SAMD12: variants seen among roughly 807,000 people sequenced by gnomAD.
SAMD12 encodes sterile alpha motif domain containing 12, also known as sterile alpha motif domain-containing protein 12.
Under a neutral mutation model 15.0 loss-of-function variants are expected in SAMD12, and 9 were observed. The ratio of observed to expected loss-of-function variants is 0.60; its 90% CI spans 0.36 to 1.05. SAMD12 has a LOEUF of 1.05. Among genes scored for constraint, SAMD12 ranks in the 50% least tolerant of loss-of-function variants. The pLI is 0.01. For missense variants in SAMD12, 230 were observed against 234.2 expected, an observed-to-expected ratio of 0.98 and a Z score of 0.12; for synonymous variants, 86 against 90.1, an observed-to-expected ratio of 0.96 and a Z score of 0.25.
At chr8:118,202,257 G>A (rs1006413504) in intron 4 of SAMD12, among the ~76,000 whole-genome samples, 8 of 152,148 alleles carry the variant, frequency 5.3e-5, no homozygotes, top group Non-Finnish European at 1.5e-5. Flanking sequence ...AAGCTCTAAC[G>A]CTAAGTATCA....
At chr8:118,278,171 C>T (rs185817637) in intron 4 of SAMD12, among the ~76,000 whole-genome samples, 11 of 152,262 alleles carry the variant, frequency 7.2e-5, no homozygotes, top group Non-Finnish European at 1.5e-4. Context: ...CTCTTTAAAC[C>T]TGTGAGAGTA....
At chr8:118,552,378 C>T (rs372083079) in intron 2 of SAMD12, among the ~76,000 whole-genome samples, 78 of 152,110 alleles carry the variant, frequency 5.1e-4, no homozygotes, top group African/African-American at 1.9e-3. Context: ...TCAATATATG[C>T]AAATCAATAA....
intron 2 of SAMD12, among the ~76,000 whole-genome samples, chr8:118,554,454 A>T (rs894483300): frequency 1.1e-4 from 16 of 149,958 alleles, no homozygotes; most frequent in African/African-American, 3.9e-4. Flanking sequence ...AACACCGCAT[A>T]TTCTCATTCA....
Position 118,581,032 on chromosome 8 carries a change from T to C in SAMD12, c.14-139A>G, listed in dbSNP as rs1204653916. ...GAGGTGGTGTGATTACTACGATAAA[T>C]AATATGGTGAGGAGGGAGCACGGTA... On this transcript the variant is annotated intron_variant, in intron 1 of 3. Coordinates refer to ENST00000314727, the MANE Select transcript of SAMD12 (RefSeq NM_207506.3). The C allele has an allele frequency of 1.2e-5, 7 of 598,108 alleles. No homozygotes were observed. In the East Asian group the frequency reaches 1.4e-4, roughly 12 times the overall value. The allele number at this position is 598,108 out of a possible 1,614,324, so 37.1% of individuals were successfully genotyped here.
intron 4 of SAMD12, among the ~76,000 whole-genome samples, chr8:118,297,959 A>C (rs1374842998): frequency 6.6e-6 from 1 of 152,196 alleles, no homozygotes. Flanking sequence ...GGAAAGCCTA[A>C]ATGCAGTGGA....
chr8:118,351,810 T>G (rs1372132910), intron 4 of SAMD12, among the ~76,000 whole-genome samples: 1 of 152,234 alleles, frequency 6.6e-6, no homozygotes, highest in East Asian at 1.9e-4. Flanking sequence ...AATGAAGAAG[T>G]AGACTGAGAG....
chr8:118,214,281 GT>G (rs1811904672), intron 4 of SAMD12, among the ~76,000 whole-genome samples: 1 of 152,172 alleles, frequency 6.6e-6, no homozygotes, highest in African/African-American at 2.4e-5. Context: ...CAGAAATCTG[GT>G]TAACTACAAT....
At chr8:118,169,851 GA>G in the SAMD12 span, among the ~76,000 whole-genome samples, 9 of 152,266 alleles carry the variant, frequency 5.9e-5, no homozygotes, top group Admixed American at 3.9e-4. Flanking sequence ...AAAGACTGAG[GA>G]AAGCTGTTTT....
intron 4 of SAMD12, among the ~76,000 whole-genome samples, chr8:118,332,096 A>G (rs1816832534): frequency 6.6e-6 from 1 of 152,080 alleles, no homozygotes; most frequent in African/African-American, 2.4e-5. Flanking sequence ...TCCCCCTTCA[A>G]AAAAAAGGGG....
intron 1 of SAMD12, among the ~76,000 whole-genome samples, chr8:118,610,475 G>A (rs1263041500): frequency 1.3e-5 from 2 of 152,146 alleles, no homozygotes; most frequent in Admixed American, 1.3e-4. Context: ...AATTAGCAGT[G>A]TGACCTCAGG....
intron 4 of SAMD12, among the ~76,000 whole-genome samples, chr8:118,321,144 A>AATAAATATATATATATATAT (rs57107358): frequency 2.2e-4 from 21 of 94,458 alleles, no homozygotes; most frequent in Admixed American, 5.1e-4. Flanking sequence ...ATAGATAATA[A>AATAAATATATATATATATAT]ATATATATAT....
chr8:118,343,976 C>CAT (rs1049782287), intron 4 of SAMD12, among the ~76,000 whole-genome samples: 3 of 152,090 alleles, frequency 2.0e-5, no homozygotes, highest in African/African-American at 7.2e-5. Flanking sequence ...TGAGAATGTG[C>CAT]ATATATATAT....
intron 3 of SAMD12, among the ~76,000 whole-genome samples, chr8:118,438,052 T>C (rs946824478): frequency 2.6e-5 from 4 of 152,214 alleles, no homozygotes; most frequent in African/African-American, 9.6e-5. Context: ...TACTAACTGA[T>C]TGATTACAGT....
At chr8:118,418,151 G>A (rs536805783) in intron 3 of SAMD12, among the ~76,000 whole-genome samples, 5 of 152,252 alleles carry the variant, frequency 3.3e-5, no homozygotes, top group South Asian at 4.1e-4. Context: ...CCAAATAAAC[G>A]AATGCATACT....
chr8:118,165,637 C>CATATATATGTGT, the SAMD12 span, among the ~76,000 whole-genome samples: 1 of 102,262 alleles, frequency 9.8e-6, no homozygotes, highest in Non-Finnish European at 2.0e-5. Flanking sequence ...TATATATATA[C>CATATATATGTGT]ATATATATAT....
chr8:118,613,967 CAG>C (rs1586858107), intron 1 of SAMD12, among the ~76,000 whole-genome samples: 1 of 152,268 alleles, frequency 6.6e-6, no homozygotes. Flanking sequence ...CATGACTGCA[CAG>C]AGTCAGATCA....
At chr8:118,488,619 G>A (rs1824352754) in intron 2 of SAMD12, among the ~76,000 whole-genome samples, 1 of 152,072 alleles carries the variant, frequency 6.6e-6, no homozygotes, top group African/African-American at 2.4e-5. Context: ...ACAAAAATGG[G>A]GTGATACAGC....
At chr8:118,272,343 C>G (rs1586407284) in intron 4 of SAMD12, among the ~76,000 whole-genome samples, 1 of 152,200 alleles carries the variant, frequency 6.6e-6, no homozygotes, top group Non-Finnish European at 1.5e-5. Context: ...AGACAGCACA[C>G]AGCAGTGGGG....
At chr8:118,183,399 T>C in the SAMD12 span, among the ~76,000 whole-genome samples, 2 of 152,238 alleles carry the variant, frequency 1.3e-5, no homozygotes, top group African/African-American at 4.8e-5. Flanking sequence ...TGGGTACATT[T>C]TTTGAAAAGA....
Sources: gnomAD v4.1 joint callset for allele counts (sites outside exome capture counted in the v4.1 genomes callset) on GRCh38, gnomAD v4.1.1 for gene constraint, MANE v1.5 for transcripts, NCBI Gene and HGNC (gene_info 2026-07-23, HGNC 2026-07-21) for gene names.